Variants in ITGA8 observed in about 807,000 individuals in gnomAD.
The protein encoded by ITGA8 is integrin subunit alpha 8, also known as integrin alpha-8.
Under a neutral mutation model 142.3 loss-of-function variants are expected in ITGA8, and 91 were observed. The observed-to-expected ratio is 0.64, with a 90% CI of 0.54 to 0.76. The LOEUF (loss-of-function observed/expected upper bound fraction) is 0.76, where lower values mean the gene tolerates loss of function less well. Among genes scored for constraint, ITGA8 ranks in the 30% least tolerant of loss-of-function variants. ITGA8 has a pLI of 0.00. For missense variants in ITGA8, 1,406 were observed against 1,327.7 expected, an observed-to-expected ratio of 1.06 and a Z score of -0.92; for synonymous variants, 505 against 485.2, an observed-to-expected ratio of 1.04 and a Z score of -0.54.
intron 10 of ITGA8, among the ~76,000 whole-genome samples, chr10:15,655,772 A>C (rs1834172776): frequency 6.6e-6 from 1 of 152,306 alleles, no homozygotes; most frequent in Middle Eastern, 3.4e-3. Context: ...TCTAATTCCA[A>C]TTCCATATGA....
At chr10:15,712,438 A>T (rs1835379204) in intron 2 of ITGA8, among the ~76,000 whole-genome samples, 1 of 151,954 alleles carries the variant, frequency 6.6e-6, no homozygotes, top group African/African-American at 2.4e-5. Flanking sequence ...AAAACAAAAC[A>T]AAAAATCACA....
At chr10:15,634,356 C>A (rs1485175791) in intron 13 of ITGA8, among the ~76,000 whole-genome samples, 2 of 151,840 alleles carry the variant, frequency 1.3e-5, no homozygotes, top group African/African-American at 4.8e-5. Context: ...ACACCATTAA[C>A]TGATTTATAC....
intron 28 of ITGA8, among the ~76,000 whole-genome samples, chr10:15,519,959 G>C (rs887914699): frequency 3.3e-5 from 5 of 152,148 alleles, no homozygotes; most frequent in Admixed American, 6.5e-5. Flanking sequence ...CAACGAATTA[G>C]TGTCAATACT....
intron 2 of ITGA8, among the ~76,000 whole-genome samples, chr10:15,694,086 T>G (rs1184917694): frequency 6.8e-6 from 1 of 146,640 alleles, no homozygotes; most frequent in African/African-American, 2.5e-5. Flanking sequence ...CTATCTATAT[T>G]ATATTTATAA....
chr10:15,517,024 A>T lies in ITGA8; in HGVS notation c.*134T>A. On this transcript the variant is annotated 3_prime_UTR_variant, in exon 30 of 30. Coordinates refer to ENST00000378076, the MANE Select transcript of ITGA8 (RefSeq NM_003638.3). The stretch of plus-strand genomic sequence containing the variant: ...TCCAAAGTGCGGTGTAGATGAGGTG[A>T]TGTTTCCAGGGTCCCCTCCATTTCC... 2 of 419,660 alleles carry T rather than the reference A, an allele frequency of 4.8e-6. No homozygotes were observed. Among genetic ancestry groups the T allele is most frequent in the Non-Finnish European group, 8.0e-6 (2 of 248,822 alleles). The allele number at this position is 419,660 out of a possible 1,614,324, so 26.0% of individuals were successfully genotyped here.
chr10:15,704,883 C>T (rs1178411909), intron 2 of ITGA8, among the ~76,000 whole-genome samples: 2 of 152,216 alleles, frequency 1.3e-5, no homozygotes, highest in Admixed American at 1.3e-4. Flanking sequence ...TGTATTTACA[C>T]TGCCTCCTGT....
chr10:15,659,447 A>G (rs1403409367), intron 9 of ITGA8, among the ~76,000 whole-genome samples: 1 of 152,226 alleles, frequency 6.6e-6, no homozygotes, highest in African/African-American at 2.4e-5. Context: ...AGATTTTAAA[A>G]TGCTATCCAC....
chr10:15,598,219 G>C (rs1178623126), intron 20 of ITGA8, among the ~76,000 whole-genome samples: 2 of 152,102 alleles, frequency 1.3e-5, no homozygotes, highest in East Asian at 3.9e-4. Context: ...TGCAATATGA[G>C]GACTTTCATA....
intron 14 of ITGA8, among the ~76,000 whole-genome samples, chr10:15,615,057 A>C (rs1833368073): frequency 6.6e-6 from 1 of 152,154 alleles, no homozygotes; most frequent in Non-Finnish European, 1.5e-5. Context: ...CCGTGAGAGG[A>C]GTTCCATGTC....
intron 11 of ITGA8, among the ~76,000 whole-genome samples, chr10:15,647,941 A>G (rs1469496458): frequency 1.3e-5 from 2 of 152,202 alleles, no homozygotes; most frequent in Non-Finnish European, 2.9e-5. Context: ...GATTATAGCA[A>G]AAAACTAATA....
intron 23 of ITGA8, among the ~76,000 whole-genome samples, chr10:15,584,424 G>T (rs771126848): frequency 3.9e-5 from 6 of 152,206 alleles, no homozygotes; most frequent in Non-Finnish European, 8.8e-5. Flanking sequence ...TCAGGGGACC[G>T]CAAGTTAAAC....
At position 15,613,809 on chromosome 10, in the gene ITGA8, G is replaced by A. The variant is rs1282221423; in HGVS notation, c.1446-42C>T. On this transcript the variant is annotated intron_variant, in intron 14 of 29. Coordinates refer to ENST00000378076, the MANE Select transcript of ITGA8 (RefSeq NM_003638.3). ...CAGGGTTTGTTTAAATAAAACACAA[G>A]GGTGATAGGCAGGCAGAAGCCCACT... is the stretch of plus-strand genomic sequence containing the variant. 16 of 1,404,610 alleles carry A rather than the reference G, an allele frequency of 1.1e-5. 1 individual carries two copies. In the South Asian group the frequency reaches 1.2e-4, roughly 10 times the overall value. 87.0% of individuals were successfully genotyped at this position (1,404,610 alleles called of 1,614,324 possible).
intron 26 of ITGA8, among the ~76,000 whole-genome samples, chr10:15,549,199 C>CTTTTTTTTTTTTTTTT (rs1564346419): frequency 2.0e-5 from 1 of 48,846 alleles, no homozygotes; most frequent in Non-Finnish European, 3.7e-5. Flanking sequence ...CTTTTCTTTT[C>CTTTTTTTTTTTTTTTT]TGTTTTTTTT....
Position 15,661,039 on chromosome 10 carries a change from A to G in ITGA8, c.848-117T>C, listed in dbSNP as rs1834276928. 6 of 922,790 alleles carry G rather than the reference A, an allele frequency of 6.5e-6. No homozygotes were observed. In the Admixed American group the frequency reaches 7.9e-5, roughly 12 times the overall value. 57.2% of individuals were successfully genotyped at this position (922,790 alleles called of 1,614,324 possible). ...CTTGTAAAATGAGTGGCTATCATAC[A>G]GAGCAGGGGTCCCCAAGCCCCAGGC... On this transcript the variant is annotated intron_variant, in intron 8 of 29. Transcript: ENST00000378076.
intron 2 of ITGA8, among the ~76,000 whole-genome samples, chr10:15,707,821 T>TA (rs570962683): frequency 0.02 from 2,389 of 117,478 alleles, 34 homozygotes; most frequent in African/African-American, 0.048. Flanking sequence ...AGTTTCCTTC[T>TA]AAAAAAAAAA....
At chr10:15,571,962 G>T (rs1834192880) in intron 25 of ITGA8, among the ~76,000 whole-genome samples, 1 of 152,154 alleles carries the variant, frequency 6.6e-6, no homozygotes, top group African/African-American at 2.4e-5. Flanking sequence ...AATAAAAGGT[G>T]CCTATTAAAA....
At chr10:15,597,000 G>A in intron 21 of ITGA8, 1 of 556,404 alleles carries the variant, frequency 1.8e-6, no homozygotes, top group East Asian at 2.8e-5. Flanking sequence ...AAGCATAGAA[G>A]AGCATGCATC....
chr10:15,671,508 A>G lies in ITGA8; in HGVS notation c.847+95T>C, dbSNP rs7100228. 0.63 allele frequency: 626,012 copies of G among 993,720 alleles called. 202,995 individuals are homozygous for G. The highest frequency in any genetic ancestry group is 0.77 in the South Asian group (57,168 of 74,662). The allele number at this position is 993,720 out of a possible 1,614,324, so 61.6% of individuals were successfully genotyped here. Reference sequence around the variant, plus strand: ...GACTCCATTAATATCCCTTTGGTATAGCAAATAAAATCACATTGATAGAAA... The same window carrying G: ...GACTCCATTAATATCCCTTTGGTATGGCAAATAAAATCACATTGATAGAAA... On this transcript the variant is annotated intron_variant, in intron 8 of 29. Coordinates refer to ENST00000378076, the MANE Select transcript of ITGA8 (RefSeq NM_003638.3).
chr10:15,687,236 A>G (rs1030961854), intron 3 of ITGA8, among the ~76,000 whole-genome samples: 4 of 152,196 alleles, frequency 2.6e-5, no homozygotes, highest in Non-Finnish European at 5.9e-5. Flanking sequence ...GTAGATTTCA[A>G]CAAATCCTAA....
Sources: allele counts gnomAD v4.1 joint callset (sites outside exome capture counted in the v4.1 genomes callset), GRCh38; gene constraint gnomAD v4.1.1; transcripts MANE v1.5; gene names NCBI Gene and HGNC (gene_info 2026-07-23, HGNC 2026-07-21).